The following SLC26A7 variants were observed in gnomAD, a reference collection of about 807,000 sequenced individuals.
SLC26A7 encodes the protein anion exchange transporter.
A neutral mutation model predicts 82.5 loss-of-function variants in SLC26A7; 59 were observed. That is an observed-to-expected ratio of 0.72 (90% CI 0.58 to 0.89). The LOEUF is 0.89. Among genes scored for constraint, SLC26A7 ranks in the 40% least tolerant of loss-of-function variants. The pLI is 0.00. For missense variants in SLC26A7, 820 were observed against 793.0 expected, an observed-to-expected ratio of 1.03 and a Z score of -0.41; for synonymous variants, 271 against 274.3, an observed-to-expected ratio of 0.99 and a Z score of 0.12.
At chr8:91,324,640 G>A (rs1293068647) in intron 5 of SLC26A7, among the ~76,000 whole-genome samples, 4 of 152,282 alleles carry the variant, frequency 2.6e-5, no homozygotes, top group South Asian at 2.1e-4. Flanking sequence ...TTTTGTTCCC[G>A]TGGAATTTTA....
chr8:91,389,333 T>C lies in SLC26A7; in HGVS notation c.1676-5T>C. Reference sequence around the variant, plus strand: ...CCCTAACTCAAGTCTCTGTTTCTCCTACAGAAGAAGCTTCACAGTCCTGCC... The same window carrying C: ...CCCTAACTCAAGTCTCTGTTTCTCCCACAGAAGAAGCTTCACAGTCCTGCC... On this transcript the variant is annotated splice_polypyrimidine_tract_variant and splice_region_variant and intron_variant, in intron 15 of 18. Coordinates refer to ENST00000276609, the MANE Select transcript of SLC26A7 (RefSeq NM_052832.4). The C allele has an allele frequency of 6.2e-7, 1 of 1,610,382 alleles. No individual in the cohort carries two copies. The highest frequency in any genetic ancestry group is 8.5e-7 in the Non-Finnish European group (1 of 1,176,700).
At chr8:91,308,398 C>G (rs894573182) in intron 4 of SLC26A7, among the ~76,000 whole-genome samples, 1 of 143,822 alleles carries the variant, frequency 7.0e-6, no homozygotes, top group Non-Finnish European at 1.5e-5. Flanking sequence ...TCACCGTCAT[C>G]TGTCTATGCA....
At chr8:91,343,105 A>G in intron 8 of SLC26A7, 1 of 313,078 alleles carries the variant, frequency 3.2e-6, no homozygotes, top group Non-Finnish European at 6.0e-6. Context: ...AGAGAGCATT[A>G]AAAAAAAATA....
chr8:91,353,252 C>T (rs1813770372), intron 11 of SLC26A7, among the ~76,000 whole-genome samples: 2 of 152,060 alleles, frequency 1.3e-5, no homozygotes, highest in African/African-American at 2.4e-5. Flanking sequence ...CTAATAATTT[C>T]AGTGGATTTG....
chr8:91,288,355 G>C (rs1031991603), intron 2 of SLC26A7, among the ~76,000 whole-genome samples: 1 of 152,146 alleles, frequency 6.6e-6, no homozygotes, highest in Non-Finnish European at 1.5e-5. Flanking sequence ...ATAATTTTAT[G>C]AACCCTTACT....
intron 8 of SLC26A7, among the ~76,000 whole-genome samples, chr8:91,341,690 T>C (rs1395876807): frequency 1.3e-5 from 2 of 152,192 alleles, no homozygotes; most frequent in Non-Finnish European, 2.9e-5. Flanking sequence ...CAGTTGCTTC[T>C]GGTCACACTC....
At chr8:91,311,704 T>C (rs1375548623) in intron 4 of SLC26A7, among the ~76,000 whole-genome samples, 1 of 152,136 alleles carries the variant, frequency 6.6e-6, no homozygotes, top group Admixed American at 6.5e-5. Flanking sequence ...TGGTCTATGG[T>C]CTGTGCTTTT....
chr8:91,330,060 A>C (rs1477892821), intron 5 of SLC26A7, among the ~76,000 whole-genome samples: 11 of 152,168 alleles, frequency 7.2e-5, no homozygotes, highest in Non-Finnish European at 2.9e-5. Context: ...ATAAAATAGA[A>C]TTATGTGAAA....
chr8:91,340,561 G>T lies in SLC26A7; in HGVS notation c.1026+10G>T. The stretch of plus-strand genomic sequence containing the variant: ...AATTGATGACAACCAGGTGGAGTGT[G>T]CCCCCAGTCCCTCTCCACTCCAGTT... On this transcript the variant is annotated intron_variant, in intron 8 of 18. Transcript: ENST00000276609. 6.2e-7 allele frequency: 1 copy of T among 1,613,564 alleles called. No homozygotes were observed. The highest frequency in any genetic ancestry group is 8.5e-7 in the Non-Finnish European group (1 of 1,179,810).
Position 91,334,451 on chromosome 8 carries a change from A to G in SLC26A7, c.795+4A>G, listed in dbSNP as rs765878601. On this transcript the variant is annotated splice_donor_region_variant and intron_variant, in intron 6 of 18. Coordinates refer to ENST00000276609, the MANE Select transcript of SLC26A7 (RefSeq NM_052832.4). ...TCTTCCTGTAGATTTAGTTTTGGTA[A>G]GTATAAAATCAACATTTAGCTTTTT... 2.5e-6 allele frequency: 4 copies of G among 1,608,562 alleles called. No individual in the cohort carries two copies. The highest frequency in any genetic ancestry group is 3.4e-6 in the Non-Finnish European group (4 of 1,177,890).
Position 91,389,575 on chromosome 8 carries a change from A to G in SLC26A7, c.1776+137A>G, listed in dbSNP as rs1295974492. 3 of 691,208 alleles carry G rather than the reference A, an allele frequency of 4.3e-6. No homozygotes were observed. The African/African-American group carries it at 5.4e-5, about 12-fold the overall frequency. The allele number at this position is 691,208 out of a possible 1,614,324, so 42.8% of individuals were successfully genotyped here. On this transcript the variant is annotated intron_variant, in intron 16 of 18. Coordinates refer to ENST00000276609, the MANE Select transcript of SLC26A7 (RefSeq NM_052832.4). ...CCCCATTATTTACAAAGGACGTAGA[A>G]CTTTGCCTACCATCACTGTAGATTT...
At chr8:91,234,152 G>GT (rs1338234787) in intron 2 of SLC26A7, among the ~76,000 whole-genome samples, 6 of 152,066 alleles carry the variant, frequency 3.9e-5, no homozygotes, top group Non-Finnish European at 8.8e-5. Context: ...TCTGGTATCT[G>GT]TTTTTTTCAT....
chr8:91,245,454 T>A (rs1276689311), upstream of SLC26A7, among the ~76,000 whole-genome samples: 1 of 152,182 alleles, frequency 6.6e-6, no homozygotes, highest in African/African-American at 2.4e-5. Context: ...CGTATCCCCA[T>A]GCCAGCTATG....
intron 11 of SLC26A7, among the ~76,000 whole-genome samples, 165 bp downstream of exon 11, chr8:91,353,161 T>A (rs1813767429): frequency 6.6e-6 from 1 of 152,168 alleles, no homozygotes; most frequent in South Asian, 2.1e-4. Flanking sequence ...CATTAAAATA[T>A]AAATTGTCTT....
intron 11 of SLC26A7, among the ~76,000 whole-genome samples, chr8:91,358,857 C>T (rs1813961046): frequency 6.6e-6 from 1 of 152,126 alleles, no homozygotes; most frequent in Non-Finnish European, 1.5e-5. Flanking sequence ...CACATGTTCT[C>T]ACTCATAGGT....
At chr8:91,332,368 A>G (rs940010415) in intron 5 of SLC26A7, among the ~76,000 whole-genome samples, 2 of 130,000 alleles carry the variant, frequency 1.5e-5, no homozygotes, top group African/African-American at 5.7e-5. Flanking sequence ...AATTATATAT[A>G]AAATTATATA....
chr8:91,249,685 C>G lies in SLC26A7; in HGVS notation c.34C>G (p.Leu12Val). The change falls in exon 2 of 19, where the codon CTT becomes GTT. Residue 12 changes from leucine to valine, a missense_variant. Transcript: ENST00000276609. ...TGAKRKKKSM[L>V]WSKMHTPQCE... ...AGCAAAGAGGAAAAAGAAAAGCATG[C>G]TTTGGAGCAAGATGCATACCCCCCA... 6.4e-7 allele frequency: 1 copy of G among 1,560,154 alleles called. No individual in the cohort carries two copies. The highest frequency in any genetic ancestry group is 8.6e-7 in the Non-Finnish European group (1 of 1,157,176).
At chr8:91,306,378 T>G (rs1359094326) in intron 4 of SLC26A7, among the ~76,000 whole-genome samples, 10 of 152,210 alleles carry the variant, frequency 6.6e-5, no homozygotes, top group Non-Finnish European at 8.8e-5. Flanking sequence ...GTGCTTTTCT[T>G]AGAGTCCTTC....
chr8:91,332,223 A>G (rs974050190), intron 5 of SLC26A7, among the ~76,000 whole-genome samples: 3 of 144,408 alleles, frequency 2.1e-5, no homozygotes, highest in Admixed American at 7.1e-5. Context: ...TATATATTCA[A>G]TATATATTTA....
Sources: gnomAD v4.1 joint callset for allele counts (sites outside exome capture counted in the v4.1 genomes callset) on GRCh38, gnomAD v4.1.1 for gene constraint, MANE v1.5 for transcripts, NCBI Gene and HGNC (gene_info 2026-07-23, HGNC 2026-07-21) for gene names.